TAOK3: variants seen among roughly 807,000 people sequenced by gnomAD.
TAOK3 encodes the protein TAO kinase 3.
TAOK3 carries 40 observed loss-of-function variants against 120.4 expected under a neutral mutation model. The ratio of observed to expected loss-of-function variants is 0.33; its 90% CI spans 0.26 to 0.43. TAOK3 has a LOEUF of 0.43. Among genes scored for constraint, TAOK3 ranks in the 20% least tolerant of loss-of-function variants. The pLI, the probability that TAOK3 is intolerant of heterozygous loss-of-function variation, is 1.00. For missense variants in TAOK3, 821 were observed against 1,112.1 expected, an observed-to-expected ratio of 0.74 and a Z score of 3.72; for synonymous variants, 355 against 387.5, an observed-to-expected ratio of 0.92 and a Z score of 0.99.
At chr12:118,327,117 G>A (rs2043965823) in intron 1 of TAOK3, among the ~76,000 whole-genome samples, 1 of 152,110 alleles carries the variant, frequency 6.6e-6, no homozygotes, top group African/African-American at 2.4e-5. Context: ...GGATCACAGT[G>A]ATAAAAAATA....
intron 13 of TAOK3, among the ~76,000 whole-genome samples, chr12:118,192,346 C>A (rs907300015): frequency 6.6e-6 from 1 of 151,908 alleles, no homozygotes; most frequent in Non-Finnish European, 1.5e-5. Context: ...AAATTTTAAC[C>A]CACTTTAAAT....
intron 3 of TAOK3, chr12:118,246,836 G>A: frequency 7.8e-7 from 1 of 1,286,302 alleles, no homozygotes; most frequent in East Asian, 2.3e-5. Context: ...ACAGCTACCT[G>A]ACCCCCGACC....
At chr12:118,338,232 G>C (rs1053239351) in intron 1 of TAOK3, among the ~76,000 whole-genome samples, 1 of 152,106 alleles carries the variant, frequency 6.6e-6, no homozygotes, top group Non-Finnish European at 1.5e-5. Flanking sequence ...GAGAGATACT[G>C]AACAGAGACC....
At chr12:118,263,499 T>C (rs1031998984) in intron 2 of TAOK3, among the ~76,000 whole-genome samples, 2 of 152,186 alleles carry the variant, frequency 1.3e-5, no homozygotes, top group Non-Finnish European at 2.9e-5. Flanking sequence ...TTAGACTTCG[T>C]CAGGATTAAA....
chr12:118,164,698 G>A (rs914097978), intron 17 of TAOK3, among the ~76,000 whole-genome samples: 50 of 152,170 alleles, frequency 3.3e-4, no homozygotes, highest in African/African-American at 1.1e-3. Flanking sequence ...GACTACAGGC[G>A]TGAGCCACCA....
intron 1 of TAOK3, among the ~76,000 whole-genome samples, chr12:118,330,608 T>TA (rs1222048871): frequency 1.3e-5 from 2 of 152,064 alleles, no homozygotes; most frequent in African/African-American, 4.8e-5. Context: ...GGCAGCTCCT[T>TA]TAGGTTACAA....
At chr12:118,199,467 C>T in intron 12 of TAOK3, 1 of 584,040 alleles carries the variant, frequency 1.7e-6, no homozygotes, top group Non-Finnish European at 3.1e-6. Context: ...AGGGGCCATT[C>T]TGGACGTGGG....
At chr12:118,325,724 G>A (rs1052931478) in intron 1 of TAOK3, among the ~76,000 whole-genome samples, 1 of 152,106 alleles carries the variant, frequency 6.6e-6, no homozygotes, top group Non-Finnish European at 1.5e-5. Context: ...GTCTCGCCCA[G>A]GCTGGAGTGC....
intron 9 of TAOK3, among the ~76,000 whole-genome samples, chr12:118,219,294 C>G (rs12321640): frequency 0.027 from 4,118 of 151,822 alleles, 156 homozygotes; most frequent in African/African-American, 0.084. Context: ...GCTCTGTTGC[C>G]CAGGCTGGAG....
intron 2 of TAOK3, among the ~76,000 whole-genome samples, chr12:118,256,650 C>T (rs1351373672): frequency 6.6e-6 from 1 of 152,124 alleles, no homozygotes; most frequent in East Asian, 1.9e-4. Flanking sequence ...ATACCAGTCA[C>T]AAAAGACCAT....
At chr12:118,210,060 T>C (rs550208532) in intron 11 of TAOK3, among the ~76,000 whole-genome samples, 25 of 152,260 alleles carry the variant, frequency 1.6e-4, no homozygotes, top group Non-Finnish European at 3.5e-4. Flanking sequence ...CTATTTAAAA[T>C]GAAGAACATA....
chr12:118,285,386 C>G (rs1410838300), intron 1 of TAOK3, among the ~76,000 whole-genome samples: 1 of 151,128 alleles, frequency 6.6e-6, no homozygotes, highest in Non-Finnish European at 1.5e-5. Context: ...AAGTCTTGCT[C>G]TTGTCCCCCA....
Position 118,172,111 on chromosome 12 carries a change from C to T in TAOK3, c.1899+346G>A, listed in dbSNP as rs970243481. On this transcript the variant is annotated intron_variant, in intron 17 of 20. Coordinates refer to ENST00000392533, the MANE Select transcript of TAOK3 (RefSeq NM_016281.4). ...CATAATGTTACTTAAATGTTTTATG[C>T]GGAGTCACAAAAATACAAGTCCTTG... is the stretch of plus-strand genomic sequence containing the variant. Among the ~76,000 whole-genome samples the T allele has an allele frequency of 2.0e-5, 3 of 152,098 alleles. No homozygotes were observed. In the East Asian group the frequency reaches 5.8e-4, roughly 29 times the overall value.
intron 4 of TAOK3, 45 bp from the exon 5 acceptor site, chr12:118,243,561 GA>G: frequency 1.0e-5 from 8 of 789,384 alleles, no homozygotes; most frequent in Non-Finnish European, 1.5e-5. Context: ...TTTTTGATAG[GA>G]AAATAGTATT....
chr12:118,190,160 T>A, intron 13 of TAOK3: 1 of 524,092 alleles, frequency 1.9e-6, no homozygotes, highest in Non-Finnish European at 3.3e-6. Flanking sequence ...GCCTTCTGAA[T>A]CCCTGGCAGG....
chr12:118,222,724 T>G (rs2039298174), intron 9 of TAOK3, among the ~76,000 whole-genome samples: 3 of 152,078 alleles, frequency 2.0e-5, no homozygotes, highest in Non-Finnish European at 4.4e-5. Flanking sequence ...TGCTAAGCTA[T>G]GAATACACAA....
rs1312502693 is a variant in TAOK3, at chr12:118,372,332, C to T, written c.-194+316G>A. 6.7e-6 allele frequency among the ~76,000 whole-genome samples: 1 copy of T among 149,894 alleles called. No individual in the cohort carries two copies. Among genetic ancestry groups the T allele is most frequent in the Non-Finnish European group, 1.5e-5 (1 of 67,310 alleles). The stretch of plus-strand genomic sequence containing the variant: ...CCCTCATCCCCCTATCCTAGTGCCT[C>T]ATGAGGCACCCACCCCTCACCCCAC... On this transcript the variant is annotated intron_variant, in intron 1 of 20. Coordinates refer to ENST00000392533, the MANE Select transcript of TAOK3 (RefSeq NM_016281.4). The surrounding 1 kb of genome is among the most constrained non-coding windows in gnomAD (Gnocchi z 4.6).
At chr12:118,316,503 C>T (rs551162813) in intron 1 of TAOK3, among the ~76,000 whole-genome samples, 2 of 152,166 alleles carry the variant, frequency 1.3e-5, no homozygotes, top group South Asian at 4.1e-4. Context: ...CGGATCACTG[C>T]AGCATCCTAC....
chr12:118,229,921 ACT>A (rs1260308007), intron 9 of TAOK3, among the ~76,000 whole-genome samples: 1 of 151,902 alleles, frequency 6.6e-6, no homozygotes, highest in African/African-American at 2.4e-5. Flanking sequence ...ACAGAGCGAG[ACT>A]CTGTCTTAAA....
Sources: gnomAD v4.1 joint callset for allele counts (sites outside exome capture counted in the v4.1 genomes callset) on GRCh38, gnomAD v4.1.1 for gene constraint, Gnocchi (gnomAD v3.1) non-coding constraint, MANE v1.5 for transcripts, NCBI Gene and HGNC (gene_info 2026-07-23, HGNC 2026-07-21) for gene names.